Variants in WDR27 observed in about 807,000 individuals in gnomAD.
The protein encoded by WDR27 is WD repeat-containing protein 27.
A neutral mutation model predicts 114.4 loss-of-function variants in WDR27; 100 were observed. That is an observed-to-expected ratio of 0.87 (90% CI 0.74 to 1.03). The LOEUF (loss-of-function observed/expected upper bound fraction) is 1.03, where lower values mean the gene tolerates loss of function less well. WDR27 is among the 50% of genes least tolerant of loss of function. WDR27 has a pLI of 0.00. For missense variants in WDR27, 1,129 were observed against 1,092.9 expected (o/e 1.03, Z -0.47); for synonymous variants, 449 against 423.1 (o/e 1.06, Z -0.75).
chr6:169,483,696 AACACACACACACAG>A (rs955797073), intron 25 of WDR27, among the ~76,000 whole-genome samples: 80 of 151,212 alleles, frequency 5.3e-4, no homozygotes, highest in African/African-American at 1.9e-3. Context: ...GGCAAACACA[AACACACACACACAG>A]ACACACACAC....
intron 14 of WDR27, among the ~76,000 whole-genome samples, chr6:169,651,552 G>A (rs569181601): frequency 7.2e-5 from 11 of 152,090 alleles, no homozygotes; most frequent in Admixed American, 2.0e-4. Context: ...CTGATGTTAC[G>A]GCAGAGCTGT....
At position 169,636,436 on chromosome 6, in the gene WDR27, T is replaced by A; in HGVS notation, c.1938A>T (p.Leu646Phe). The A allele has an allele frequency of 1.2e-6, 2 of 1,613,974 alleles. No homozygotes were observed. The highest frequency in any genetic ancestry group is 1.7e-6 in the Non-Finnish European group (2 of 1,179,858). ...GTAGCTGAAATTCAGGGCCAGAAGA[T>A]AACAATATAAAGGCATCTATATAAT... ...QFYYIDAFILLSSGPEFQLLR... is the reference protein window; with the variant it reads ...QFYYIDAFILFSSGPEFQLLR... The change falls in exon 19 of 26, where the codon TTA becomes TTT. Residue 646 changes from leucine (L) to phenylalanine (F), a missense_variant. By Grantham distance (22) the Leu-to-Phe change is conservative. Coordinates refer to ENST00000448612, the MANE Select transcript of WDR27 (RefSeq NM_182552.5).
rs528487190 is a variant in WDR27 at position 169,593,876 on chromosome 6, C to A, written c.2424+8343G>T. On this transcript the variant is annotated intron_variant, in intron 23 of 25. Coordinates refer to ENST00000448612, the MANE Select transcript of WDR27 (RefSeq NM_182552.5). ...AAAAACAAACAAACAAACAAACAAA[C>A]AAAAAACAAAAAACACAACTAGTGT... is the stretch of plus-strand genomic sequence containing the variant. Among the ~76,000 whole-genome samples the A allele has an allele frequency of 8.4e-3, 315 of 37,454 alleles. 3 individuals carry two copies. Among genetic ancestry groups the A allele is most frequent in the African/African-American group, 0.012 (294 of 24,622 alleles). 24.6% of individuals were successfully genotyped at this position (37,454 alleles called of 152,430 possible).
At chr6:169,482,520 T>C (rs1044996841) in intron 25 of WDR27, among the ~76,000 whole-genome samples, 2 of 152,210 alleles carry the variant, frequency 1.3e-5, no homozygotes, top group African/African-American at 4.8e-5. Flanking sequence ...TAATCAGTGA[T>C]GCTGAGCACA....
chr6:169,457,606 A>C lies in WDR27; in HGVS notation c.2674T>G (p.Ser892Ala). 6.4e-7 allele frequency: 1 copy of C among 1,552,692 alleles called. No individual in the cohort carries two copies. Among genetic ancestry groups the C allele is most frequent in the Non-Finnish European group, 8.7e-7 (1 of 1,147,318 alleles). The stretch of plus-strand genomic sequence containing the variant: ...TGGTTACTCAGCTAGAAAGAGCTGG[A>C]GTTTACCATCCAAGGTAGCTGTGGC... ...SLPQLPWMVN[S>A]SSF The change falls in exon 26 of 26, where the codon TCC (serine) becomes GCC (alanine). Residue 892 changes from serine to alanine, a missense_variant. By Grantham distance (99) the Ser-to-Ala change is moderately conservative. Transcript: ENST00000448612.
chr6:169,652,053 G>C, intron 13 of WDR27, 45 bp from the exon 14 acceptor site: 5 of 1,560,028 alleles, frequency 3.2e-6, no homozygotes, highest in Non-Finnish European at 4.4e-6. Flanking sequence ...CTTAAAATTA[G>C]CATCTCATGA....
intron 21 of WDR27, among the ~76,000 whole-genome samples, chr6:169,625,996 G>A (rs544413329): frequency 2.5e-4 from 38 of 152,308 alleles, no homozygotes; most frequent in East Asian, 1.9e-3. Flanking sequence ...GGTCTGAGGC[G>A]TCACCAAGGA....
At position 169,544,411 on chromosome 6, in the gene WDR27, GT is replaced by G. The variant is rs1797196795; in HGVS notation, c.2645+28007del. Among the ~76,000 whole-genome samples the G allele has an allele frequency of 3.3e-5, 5 of 150,552 alleles. No homozygotes were observed. In the Admixed American group the frequency reaches 3.3e-4, roughly 10 times the overall value. Reference sequence around the variant, plus strand: ...GATATAATATCATCACATAAAATCAGTCTCATTTCTTTTCCTTTTTTTTTTT... The same window carrying G: ...GATATAATATCATCACATAAAATCAGCTCATTTCTTTTCCTTTTTTTTTTT... On this transcript the variant is annotated intron_variant, in intron 25 of 25. Coordinates refer to ENST00000448612, the MANE Select transcript of WDR27 (RefSeq NM_182552.5).
chr6:169,516,043 A>G (rs1793589972), intron 25 of WDR27, among the ~76,000 whole-genome samples: 2 of 152,126 alleles, frequency 1.3e-5, no homozygotes, highest in South Asian at 4.1e-4. Flanking sequence ...AAAAATAGCT[A>G]AGAGGAGAAC....
At chr6:169,513,400 C>T (rs1197314367) in intron 25 of WDR27, among the ~76,000 whole-genome samples, 1 of 152,156 alleles carries the variant, frequency 6.6e-6, no homozygotes, top group Admixed American at 6.5e-5. Context: ...GGAGGGAACA[C>T]AGATGCCCAC....
chr6:169,427,366 A>C, the WDR27 span, among the ~76,000 whole-genome samples: 1 of 152,020 alleles, frequency 6.6e-6, no homozygotes, highest in Non-Finnish European at 1.5e-5. Context: ...AAGACTGAGA[A>C]TCTCCCTCTG....
Position 169,457,629 on chromosome 6 carries a change from G to A in WDR27, c.2651C>T (p.Pro884Leu). The A allele has an allele frequency of 6.4e-7, 1 of 1,551,404 alleles. No homozygotes were observed. The highest frequency in any genetic ancestry group is 8.7e-7 in the Non-Finnish European group (1 of 1,146,670). ...SLPSSWDYSL[P>L]QLPWMVNSSS... ...GGAGTTTACCATCCAAGGTAGCTGT[G>A]GCAAGCTGTAATTGAAAATAAAATA... Residue 884 changes from proline (P) to leucine (L), a missense_variant, in exon 26 of 26, where the codon CCA (proline) becomes CTA (leucine). Transcript: ENST00000448612.
rs1784859139 is a variant in WDR27 at position 169,461,104 on chromosome 6, A to T, written c.2646-3470T>A. 4.6e-5 allele frequency among the ~76,000 whole-genome samples: 7 copies of T among 152,326 alleles called. No individual in the cohort carries two copies. The South Asian group carries it at 1.2e-3, about 27-fold the overall frequency. ...ATTATAAACATTTACATACCTAATA[A>T]CAGACCATCAAAATATATGAAGCAA... On this transcript the variant is annotated intron_variant, in intron 25 of 25. Coordinates refer to ENST00000448612, the MANE Select transcript of WDR27 (RefSeq NM_182552.5).
chr6:169,577,323 C>G (rs16888175), intron 24 of WDR27, among the ~76,000 whole-genome samples: 1 of 138,510 alleles, frequency 7.2e-6, no homozygotes, highest in African/African-American at 2.6e-5. Flanking sequence ...GCGTCCGCGC[C>G]GAGCCAGGAA....
intron 1 of WDR27, among the ~76,000 whole-genome samples, chr6:169,693,634 G>A (rs1018468109): frequency 1.3e-5 from 2 of 151,628 alleles, no homozygotes; most frequent in Admixed American, 1.3e-4. Flanking sequence ...GTAAAGGAGA[G>A]GAAAAAGATA....
chr6:169,553,582 CA>C lies in WDR27; in HGVS notation c.2645+18836del, dbSNP rs141694222. ...CTCTGTCATTTAGTAACTTAGTGGC[CA>C]GGGGTCAACCTCAAGCGCTTTAAAT... On this transcript the variant is annotated intron_variant, in intron 25 of 25. Transcript: ENST00000448612. Among the ~76,000 whole-genome samples, 500 of 152,126 alleles carry C rather than the reference CA, an allele frequency of 3.3e-3. 6 individuals are homozygous for C. Among genetic ancestry groups the C allele is most frequent in the East Asian group, 0.03 (154 of 5,174 alleles).
At chr6:169,638,681 A>T in intron 17 of WDR27, 21 bp from the exon 18 acceptor site, 1 of 1,586,478 alleles carries the variant, frequency 6.3e-7, no homozygotes, top group Non-Finnish European at 8.6e-7. Context: ...TGACCACAGA[A>T]GGTTACTATT....
At chr6:169,571,146 G>T (rs1562603050) in intron 25 of WDR27, among the ~76,000 whole-genome samples, 1 of 151,906 alleles carries the variant, frequency 6.6e-6, no homozygotes, top group Non-Finnish European at 1.5e-5. Flanking sequence ...TTTCCTCCAG[G>T]TATATGCTTA....
intron 25 of WDR27, among the ~76,000 whole-genome samples, chr6:169,554,370 A>G (rs1268515342): frequency 6.6e-6 from 1 of 152,218 alleles, no homozygotes; most frequent in Non-Finnish European, 1.5e-5. Flanking sequence ...AAGTCCTCTG[A>G]CCAAGAAAAT....
Sources: gnomAD v4.1 joint callset for allele counts (sites outside exome capture counted in the v4.1 genomes callset) on GRCh38, gnomAD v4.1.1 for gene constraint, MANE v1.5 for transcripts, NCBI Gene and HGNC (gene_info 2026-07-23, HGNC 2026-07-21) for gene names.